ATP13A3: variants seen among roughly 807,000 people sequenced by gnomAD.
The protein encoded by ATP13A3 is polyamine-transporting ATPase 13A3.
A neutral mutation model predicts 158.1 loss-of-function variants in ATP13A3; 59 were observed. The observed-to-expected ratio is 0.37, with a 90% CI of 0.30 to 0.46. ATP13A3 has a LOEUF of 0.46. Among genes scored for constraint, ATP13A3 ranks in the 20% least tolerant of loss-of-function variants. The pLI is 1.00. For missense variants in ATP13A3, 1,166 were observed against 1,525.2 expected (o/e 0.76, Z 3.92); for synonymous variants, 491 against 504.3 (o/e 0.97, Z 0.35).
chr3:194,430,772 C>T (rs1283634265), intron 24 of ATP13A3, among the ~76,000 whole-genome samples, 171 bp downstream of exon 24: 1 of 152,154 alleles, frequency 6.6e-6, no homozygotes, highest in Non-Finnish European at 1.5e-5. Flanking sequence ...ATAAAAAGCA[C>T]ATGAGACTCT....
At chr3:194,409,693 ATTTTT>A (rs71179358) in intron 33 of ATP13A3, among the ~76,000 whole-genome samples, 14 of 93,982 alleles carry the variant, frequency 1.5e-4, no homozygotes, top group Admixed American at 5.7e-4. Context: ...GACGTAAAGA[ATTTTT>A]TTTTTTTTTT....
At chr3:194,454,663 T>C (rs1719083218) in intron 8 of ATP13A3, among the ~76,000 whole-genome samples, 2 of 151,822 alleles carry the variant, frequency 1.3e-5, no homozygotes, top group Non-Finnish European at 2.9e-5. Context: ...CTGTCTCTAC[T>C]AAAAAATACA....
In ATP13A3 at chr3:194,453,724, C is replaced by T; in HGVS notation, c.820G>A (p.Val274Ile). The T allele has an allele frequency of 6.2e-7, 1 of 1,612,816 alleles. No homozygotes were observed. The highest frequency in any genetic ancestry group is 2.2e-5 in the East Asian group (1 of 44,858). Reference protein sequence around the residue: ...VATHSTVRVSVCRVNEEIEEI... With the variant: ...VATHSTVRVSICRVNEEIEEI... ...TACTTACCTTCATTTACTCTACAAA[C>T]TGAAACTCTTACGGTACTATGAGTT... is the stretch of plus-strand genomic sequence containing the variant. The change falls in exon 10 of 34, where the codon GTT (valine) becomes ATT (isoleucine). Residue 274 changes from valine (V) to isoleucine (I), a missense_variant. By Grantham distance (29) the Val-to-Ile change is conservative. Transcript: ENST00000645319.
In ATP13A3 at chr3:194,448,739, TA is replaced by T; in HGVS notation, c.971-104del. On this transcript the variant is annotated intron_variant, in intron 11 of 33. Transcript: ENST00000645319. The surrounding 1 kb of genome is among the most constrained non-coding windows in gnomAD (Gnocchi z 4.0). ...AAAAATATTAAATTGTTAAATATTT[TA>T]AATGCTACCATACTGTTTACAATAA... 1 of 1,151,860 alleles carries T rather than the reference TA, an allele frequency of 8.7e-7. No individual in the cohort carries two copies. 71.4% of individuals were successfully genotyped at this position (1,151,860 alleles called of 1,614,324 possible). A position where few individuals can be genotyped will look rare whatever the true frequency, so the allele number is the denominator to read the frequency against.
At chr3:194,409,775 C>T (rs1173407783) in intron 33 of ATP13A3, among the ~76,000 whole-genome samples, 1 of 137,170 alleles carries the variant, frequency 7.3e-6, no homozygotes, top group Non-Finnish European at 1.5e-5. Context: ...ACCAAAAATG[C>T]CTCCAGACAA....
intron 2 of ATP13A3, among the ~76,000 whole-genome samples, chr3:194,476,709 G>A (rs771005894): frequency 6.6e-5 from 10 of 150,476 alleles, no homozygotes; most frequent in African/African-American, 2.0e-4. Context: ...GTAGCTTCCC[G>A]TTGTCTGTAG....
At chr3:194,485,401 A>C (rs1720927307) in intron 2 of ATP13A3, among the ~76,000 whole-genome samples, 2 of 152,248 alleles carry the variant, frequency 1.3e-5, no homozygotes, top group African/African-American at 4.8e-5. Flanking sequence ...CATATATTCC[A>C]GTGAAACAAA....
intron 31 of ATP13A3, among the ~76,000 whole-genome samples, chr3:194,416,386 A>G (rs1353871379): frequency 6.6e-6 from 1 of 151,848 alleles, no homozygotes; most frequent in African/African-American, 2.4e-5. Flanking sequence ...TGAACCCGGG[A>G]GGTGGAGGTT....
At chr3:194,408,166 C>A (rs1427991929) in intron 33 of ATP13A3, among the ~76,000 whole-genome samples, 1 of 151,930 alleles carries the variant, frequency 6.6e-6, no homozygotes, top group Non-Finnish European at 1.5e-5. Flanking sequence ...ACTACAGGCA[C>A]GCGCCACCAC....
chr3:194,450,056 G>C, intron 11 of ATP13A3, 89 bp downstream of exon 11: 1 of 1,355,208 alleles, frequency 7.4e-7, no homozygotes, highest in Non-Finnish European at 1.0e-6. Flanking sequence ...AGGTACAAAT[G>C]ACATAGCTAA....
chr3:194,425,641 A>G (rs1049755202), intron 29 of ATP13A3, 112 bp from the exon 30 acceptor site: 1 of 820,178 alleles, frequency 1.2e-6, no homozygotes, highest in Non-Finnish European at 1.9e-6. Context: ...TAGAAATATG[A>G]TATTTACAGC....
At chr3:194,429,618 C>T in intron 27 of ATP13A3, 60 bp downstream of exon 27, 1 of 1,324,550 alleles carries the variant, frequency 7.5e-7, no homozygotes, top group Non-Finnish European at 1.1e-6. Context: ...CACATACGCT[C>T]AACATCTTAA....
chr3:194,425,282 CT>C (rs1716681986), intron 30 of ATP13A3, 59 bp downstream of exon 30: 1 of 1,424,160 alleles, frequency 7.0e-7, no homozygotes, highest in African/African-American at 1.4e-5. Flanking sequence ...TAATTATTCT[CT>C]TCTACATTAG....
chr3:194,494,051 C>T lies in ATP13A3; in HGVS notation n.745G>A, dbSNP rs539401211. ...AAAAAGAGGTGTTCAATAACTCACCCGAAAGCACAGCCAGGATTCAAACCC... is the reference window on the plus strand; with the variant it reads ...AAAAAGAGGTGTTCAATAACTCACCTGAAAGCACAGCCAGGATTCAAACCC... On this transcript the variant is annotated splice_region_variant and non_coding_transcript_exon_variant, in exon 2 of 33. Coordinates refer to the ATP13A3 transcript ENST00000687055. This position sits in a 1 kb window ranked among gnomAD's most constrained non-coding sequence, Gnocchi z 4.2. 1.6e-4 allele frequency: 62 copies of T among 397,920 alleles called. No homozygotes were observed. The highest frequency in any genetic ancestry group is 1.1e-3 in the East Asian group (30 of 28,058). The allele number at this position is 397,920 out of a possible 1,614,324, so 24.6% of individuals were successfully genotyped here.
intron 8 of ATP13A3, among the ~76,000 whole-genome samples, chr3:194,455,122 T>C (rs1197276870): frequency 6.6e-6 from 1 of 152,202 alleles, no homozygotes; most frequent in African/African-American, 2.4e-5. Flanking sequence ...AATTTACTTA[T>C]ATATCAAAAG....
At chr3:194,452,703 C>A (rs1391296927) in intron 10 of ATP13A3, 3 of 152,158 alleles carry the variant, frequency 2.0e-5, no homozygotes, top group Non-Finnish European at 4.4e-5. Flanking sequence ...CTCTCCTTCT[C>A]TCAGCCTCCC....
At chr3:194,464,934 C>A (rs1719899826) in intron 2 of ATP13A3, among the ~76,000 whole-genome samples, 1 of 152,034 alleles carries the variant, frequency 6.6e-6, no homozygotes, top group African/African-American at 2.4e-5. Context: ...TTTTGATAAC[C>A]AATTCTGATC....
intron 15 of ATP13A3, 85 bp from the exon 16 acceptor site, chr3:194,441,546 A>T (rs1019615726): frequency 1.8e-5 from 17 of 928,140 alleles, no homozygotes; most frequent in African/African-American, 1.4e-4. Context: ...TTTTGTAATT[A>T]AAAAAAAAAT....
intron 33 of ATP13A3, among the ~76,000 whole-genome samples, chr3:194,408,177 G>A (rs932476603): frequency 1.8e-4 from 27 of 152,048 alleles, no homozygotes; most frequent in African/African-American, 6.0e-4. Context: ...GCGCCACCAC[G>A]CCCGGCTAAT....
Sources: gnomAD v4.1 joint callset for allele counts (sites outside exome capture counted in the v4.1 genomes callset) on GRCh38, gnomAD v4.1.1 for gene constraint, Gnocchi (gnomAD v3.1) non-coding constraint, MANE v1.5 for transcripts, NCBI Gene and HGNC (gene_info 2026-07-23, HGNC 2026-07-21) for gene names.